KIAA0513: variants seen among roughly 807,000 people sequenced by gnomAD.
The protein encoded by KIAA0513 is uncharacterized protein KIAA0513.
KIAA0513 carries 39 observed loss-of-function variants against 56.5 expected under a neutral mutation model. That is an observed-to-expected ratio of 0.69 (90% CI 0.53 to 0.90). The LOEUF is 0.90. Among genes scored for constraint, KIAA0513 ranks in the 40% least tolerant of loss-of-function variants. KIAA0513 has a pLI of 0.00. For missense variants in KIAA0513, 591 were observed against 535.2 expected (o/e 1.10, Z -1.03); for synonymous variants, 268 against 215.6 (o/e 1.24, Z -2.13).
chr16:85,048,607 G>T (rs1307873105), intron 1 of KIAA0513, among the ~76,000 whole-genome samples: 1 of 152,074 alleles, frequency 6.6e-6, no homozygotes, highest in Non-Finnish European at 1.5e-5. Context: ...AGCTGGATGT[G>T]GTGGCTCACC....
chr16:85,049,569 G>A (rs796570145), intron 1 of KIAA0513, among the ~76,000 whole-genome samples: 9 of 152,254 alleles, frequency 5.9e-5, no homozygotes, highest in African/African-American at 1.7e-4. Flanking sequence ...CATGAGATCT[G>A]GTTGTTTAAA....
intron 2 of KIAA0513, among the ~76,000 whole-genome samples, chr16:85,069,619 G>A (rs541770256): frequency 1.3e-5 from 2 of 152,082 alleles, no homozygotes; most frequent in South Asian, 4.2e-4. Context: ...GGAGCCATGG[G>A]GTTCAGGTGT....
Position 85,082,567 on chromosome 16 carries a change from G to T in KIAA0513, c.984G>T (p.Gly328=). 1.2e-6 allele frequency: 2 copies of T among 1,614,060 alleles called. No homozygotes were observed. The highest frequency in any genetic ancestry group is 1.7e-6 in the Non-Finnish European group (2 of 1,179,950). Residue 328 remains glycine (G), a synonymous_variant, in exon 10 of 13, where the codon GGG becomes GGT. Coordinates refer to ENST00000683363, the MANE Select transcript of KIAA0513 (RefSeq NM_001388359.1). The part of the protein sequence containing the change: ...ERTKRSPTTR[G]DAGEEEEKRE... The stretch of plus-strand genomic sequence containing the variant: ...CCTGTTTCTGCTGCCGCTCCAGAGG[G>T]GATGCTGGAGAGGAGGAGGAGAAGA...
At chr16:85,075,622 C>T (rs1178672781) in intron 4 of KIAA0513, among the ~76,000 whole-genome samples, 2 of 152,186 alleles carry the variant, frequency 1.3e-5, no homozygotes, top group Non-Finnish European at 2.9e-5. Context: ...TGAAAGAAGC[C>T]GGGCAGGCAG....
chr16:85,082,864 G>A (rs1481685561), intron 10 of KIAA0513, among the ~76,000 whole-genome samples: 1 of 152,254 alleles, frequency 6.6e-6, no homozygotes, highest in African/African-American at 2.4e-5. Context: ...ACCTTGAGAC[G>A]CCCTGGCGAC....
At chr16:85,030,576 G>A (rs1055940491) in intron 1 of KIAA0513, among the ~76,000 whole-genome samples, 7 of 151,790 alleles carry the variant, frequency 4.6e-5, no homozygotes, top group Non-Finnish European at 8.8e-5. Context: ...GTGAAACCCC[G>A]TCTCTACTAA....
At chr16:85,064,039 T>G (rs2143994206) in intron 1 of KIAA0513, among the ~76,000 whole-genome samples, 1 of 146,342 alleles carries the variant, frequency 6.8e-6, no homozygotes, top group East Asian at 2.0e-4. Context: ...GGAGACTTGC[T>G]CTGTCGCCCA....
chr16:85,060,916 G>A (rs1567532929), intron 1 of KIAA0513, among the ~76,000 whole-genome samples: 1 of 151,688 alleles, frequency 6.6e-6, no homozygotes, highest in East Asian at 1.9e-4. Flanking sequence ...CACTTTGGGA[G>A]TCAGAGGTGG....
intron 1 of KIAA0513, among the ~76,000 whole-genome samples, chr16:85,062,239 A>C (rs2073416942): frequency 6.6e-6 from 1 of 150,588 alleles, no homozygotes; most frequent in Admixed American, 6.6e-5. Context: ...CACACACCCC[A>C]TAAGGTCTCA....
chr16:85,049,784 G>C (rs995192817), intron 1 of KIAA0513, among the ~76,000 whole-genome samples: 1 of 152,108 alleles, frequency 6.6e-6, no homozygotes, highest in Non-Finnish European at 1.5e-5. Flanking sequence ...CCCAGTCTCG[G>C]GTATTTCGTT....
chr16:85,043,335 C>T (rs754031309), intron 1 of KIAA0513, among the ~76,000 whole-genome samples: 3 of 151,652 alleles, frequency 2.0e-5, no homozygotes, highest in South Asian at 4.2e-4. Flanking sequence ...CTATGGTGCA[C>T]ACCGATGAGG....
At chr16:85,057,782 T>C (rs77229266) in intron 1 of KIAA0513, among the ~76,000 whole-genome samples, 63 of 151,634 alleles carry the variant, frequency 4.2e-4, no homozygotes, top group Middle Eastern at 6.8e-3. Context: ...TTTTTTTTTT[T>C]TCTCTCTCTC....
chr16:85,085,090 C>T (rs957489793), intron 10 of KIAA0513, among the ~76,000 whole-genome samples: 1 of 152,166 alleles, frequency 6.6e-6, no homozygotes, highest in Non-Finnish European at 1.5e-5. Context: ...TTGTGCAGGG[C>T]GCAACCTGCA....
intron 1 of KIAA0513, among the ~76,000 whole-genome samples, chr16:85,048,882 A>G (rs2073208445): frequency 6.6e-6 from 1 of 152,200 alleles, no homozygotes; most frequent in African/African-American, 2.4e-5. Flanking sequence ...ATTTCTCCAC[A>G]TTGAGGGGCA....
At chr16:85,064,158 AC>A (rs1461450440) in intron 1 of KIAA0513, among the ~76,000 whole-genome samples, 2 of 151,840 alleles carry the variant, frequency 1.3e-5, no homozygotes, top group Non-Finnish European at 2.9e-5. Flanking sequence ...GGCGTGCGCC[AC>A]CATGCCTGGC....
At chr16:85,042,310 C>G (rs16975139) in intron 1 of KIAA0513, among the ~76,000 whole-genome samples, 4,751 of 152,222 alleles carry the variant, frequency 0.031, 260 homozygotes, top group African/African-American at 0.11. Flanking sequence ...TGTGTGTCTT[C>G]CAAATGAGGA....
At chr16:85,048,668 C>T (rs538824188) in intron 1 of KIAA0513, among the ~76,000 whole-genome samples, 158 of 152,294 alleles carry the variant, frequency 1.0e-3, no homozygotes, top group African/African-American at 2.9e-3. Flanking sequence ...TGCCTGAGCC[C>T]TGGAGTTCAA....
intron 1 of KIAA0513, among the ~76,000 whole-genome samples, chr16:85,054,567 T>C (rs2073301811): frequency 6.6e-6 from 1 of 151,648 alleles, no homozygotes; most frequent in Admixed American, 6.6e-5. Flanking sequence ...GTAGCTGGGA[T>C]TGCAGGTGTG....
At position 85,086,694 on chromosome 16, in the gene KIAA0513, TCAA is replaced by T; in HGVS notation, c.1063_1065del (p.Asn355del). ...GAGGAGCGCGACGACAGCCTCCGGT[TCAA>T]CGAGAACATCACCTTCGGGCAGCTG... is the stretch of plus-strand genomic sequence containing the variant. On this transcript the variant is annotated inframe_deletion, in exon 11 of 13. Coordinates refer to ENST00000683363, the MANE Select transcript of KIAA0513 (RefSeq NM_001388359.1). The T allele has an allele frequency of 6.2e-7, 1 of 1,613,830 alleles. No homozygotes were observed. The highest frequency in any genetic ancestry group is 8.5e-7 in the Non-Finnish European group (1 of 1,179,982).
Sources: gnomAD v4.1 joint callset for allele counts (sites outside exome capture counted in the v4.1 genomes callset) on GRCh38, gnomAD v4.1.1 for gene constraint, MANE v1.5 for transcripts, NCBI Gene and HGNC (gene_info 2026-07-23, HGNC 2026-07-21) for gene names.